NTM: variants seen among roughly 807,000 people sequenced by gnomAD.
NTM encodes neurotrimin.
Under a neutral mutation model 42.1 loss-of-function variants are expected in NTM, and 13 were observed. That is an observed-to-expected ratio of 0.31 (90% CI 0.20 to 0.49). The LOEUF (loss-of-function observed/expected upper bound fraction) is 0.49. Among genes scored for constraint, NTM ranks in the 20% least tolerant of loss-of-function variants. NTM has a pLI of 0.99. For missense variants in NTM, 373 were observed against 452.8 expected, an observed-to-expected ratio of 0.82 and a Z score of 1.60; for synonymous variants, 187 against 179.2, an observed-to-expected ratio of 1.04 and a Z score of -0.35.
intron 1 of NTM, among the ~76,000 whole-genome samples, chr11:131,738,615 A>G (rs1185138283): frequency 6.6e-6 from 1 of 152,148 alleles, no homozygotes; most frequent in Non-Finnish European, 1.5e-5. Flanking sequence ...TTCATAGTCA[A>G]TTCTCGATTG....
At chr11:131,501,838 G>A (rs1189518700) in intron 1 of NTM, among the ~76,000 whole-genome samples, 1 of 151,866 alleles carries the variant, frequency 6.6e-6, no homozygotes, top group Non-Finnish European at 1.5e-5. Context: ...TTATTAAGAT[G>A]GAGAATACCA....
chr11:132,255,697 A>C (rs1161637715), intron 4 of NTM, among the ~76,000 whole-genome samples: 2 of 152,130 alleles, frequency 1.3e-5, no homozygotes, highest in East Asian at 3.9e-4. Context: ...GAACCACCTG[A>C]GTCACCTTCA....
chr11:131,667,397 C>G (rs560389854), intron 1 of NTM, among the ~76,000 whole-genome samples: 1 of 152,314 alleles, frequency 6.6e-6, no homozygotes, highest in South Asian at 2.1e-4. Context: ...CTTGGGAAAG[C>G]CTTCCTGATC....
At chr11:131,677,603 GT>G (rs2071654759) in intron 1 of NTM, among the ~76,000 whole-genome samples, 1 of 152,132 alleles carries the variant, frequency 6.6e-6, no homozygotes, top group Admixed American at 6.5e-5. Context: ...AAAGCCTCTG[GT>G]ACCAGCAATG....
At chr11:132,194,153 A>T (rs2079784339) in intron 3 of NTM, among the ~76,000 whole-genome samples, 1 of 152,110 alleles carries the variant, frequency 6.6e-6, no homozygotes, top group East Asian at 1.9e-4. Context: ...CAAACAAACA[A>T]CAACAACAAC....
At chr11:132,082,304 A>G (rs1292535654) in intron 2 of NTM, among the ~76,000 whole-genome samples, 2 of 152,116 alleles carry the variant, frequency 1.3e-5, no homozygotes, top group Non-Finnish European at 2.9e-5. Context: ...AGCTCTCAAC[A>G]AAAAGAGAGA....
intron 2 of NTM, among the ~76,000 whole-genome samples, chr11:132,006,990 G>A (rs149160178): frequency 1.3e-5 from 2 of 152,290 alleles, no homozygotes; most frequent in African/African-American, 4.8e-5. Context: ...TTTACTTCCA[G>A]TGCGAGACCC....
intron 1 of NTM, among the ~76,000 whole-genome samples, chr11:131,895,533 G>T (rs2052130509): frequency 6.6e-6 from 1 of 152,090 alleles, no homozygotes; most frequent in Non-Finnish European, 1.5e-5. Context: ...AACAAGAAAT[G>T]GCAACTGCCT....
At chr11:132,121,214 GC>G (rs1175937527) in intron 2 of NTM, among the ~76,000 whole-genome samples, 4 of 152,134 alleles carry the variant, frequency 2.6e-5, no homozygotes, top group African/African-American at 9.7e-5. Flanking sequence ...ACCTCTATAA[GC>G]CCTTCTTCCC....
chr11:131,736,475 A>C (rs2080460400), intron 1 of NTM, among the ~76,000 whole-genome samples: 1 of 152,126 alleles, frequency 6.6e-6, no homozygotes. Context: ...CCACTTACAA[A>C]GCTCTGTGGT....
chr11:132,074,820 A>G (rs2058153705), intron 2 of NTM, among the ~76,000 whole-genome samples: 1 of 152,228 alleles, frequency 6.6e-6, no homozygotes, highest in South Asian at 2.1e-4. Flanking sequence ...ATAATACAGT[A>G]TGTAGTTTCA....
chr11:131,831,544 G>A (rs2042821472), intron 1 of NTM, among the ~76,000 whole-genome samples: 1 of 152,138 alleles, frequency 6.6e-6, no homozygotes, highest in Non-Finnish European at 1.5e-5. Flanking sequence ...ACTTCCCCAA[G>A]CCTCCAGAAA....
intron 1 of NTM, among the ~76,000 whole-genome samples, chr11:131,404,130 G>A (rs754790003): frequency 4.8e-4 from 73 of 151,884 alleles, no homozygotes; most frequent in African/African-American, 8.7e-4. Flanking sequence ...TCTTCTTCTC[G>A]GTAAAGCTTC....
At chr11:131,684,656 C>T (rs1202627445) in intron 1 of NTM, among the ~76,000 whole-genome samples, 1 of 152,240 alleles carries the variant, frequency 6.6e-6, no homozygotes, top group Admixed American at 6.5e-5. Context: ...CTTTCCCAGG[C>T]CAGCTCATCA....
intron 2 of NTM, among the ~76,000 whole-genome samples, chr11:132,126,795 G>A (rs1255583634): frequency 6.6e-6 from 1 of 152,114 alleles, no homozygotes. Context: ...TGCTGGCTGC[G>A]ACCTTGCAGC....
chr11:132,014,353 C>T (rs889926022), intron 2 of NTM, among the ~76,000 whole-genome samples: 1 of 151,986 alleles, frequency 6.6e-6, no homozygotes, highest in African/African-American at 2.4e-5. Context: ...GCGGTAAATG[C>T]GGGTGCACAG....
intron 3 of NTM, among the ~76,000 whole-genome samples, chr11:132,157,294 T>C (rs191484560): frequency 9.2e-5 from 14 of 152,354 alleles, no homozygotes; most frequent in Admixed American, 5.2e-4. Context: ...TCTTTGTCAC[T>C]GTGAGAGATG....
intron 2 of NTM, among the ~76,000 whole-genome samples, chr11:131,927,818 A>G (rs1318738598): frequency 6.6e-6 from 1 of 152,184 alleles, no homozygotes; most frequent in Admixed American, 6.5e-5. Flanking sequence ...TCAGCTCCCA[A>G]TAGCCAGGAG....
intron 6 of NTM, among the ~76,000 whole-genome samples, chr11:132,310,616 A>T (rs2241999): frequency 1.3e-5 from 2 of 152,042 alleles, no homozygotes; most frequent in South Asian, 2.1e-4. Flanking sequence ...GAAGGCTCTC[A>T]GGGCCCTGGG....
Sources: allele counts gnomAD v4.1 joint callset (sites outside exome capture counted in the v4.1 genomes callset), GRCh38; gene constraint gnomAD v4.1.1; transcripts MANE v1.5; gene names NCBI Gene and HGNC (gene_info 2026-07-23, HGNC 2026-07-21).